The following A1BG variants were observed in gnomAD, a reference collection of about 807,000 sequenced individuals.
A1BG encodes alpha-1-B glycoprotein.
Under a neutral mutation model 46.0 loss-of-function variants are expected in A1BG, and 44 were observed. The observed-to-expected ratio is 0.96, with a 90% CI of 0.75 to 1.23. A1BG has a LOEUF of 1.23. A1BG is among the 50% of genes most tolerant of loss of function. A1BG has a pLI of 0.00. For missense variants in A1BG, 707 were observed against 688.8 expected, an observed-to-expected ratio of 1.03 and a Z score of -0.30; for synonymous variants, 316 against 314.7, an observed-to-expected ratio of 1.00 and a Z score of -0.04.
At position 58,353,199 on chromosome 19, in the gene A1BG, T is replaced by A; in HGVS notation, c.71-2A>T. On this transcript the variant is annotated splice_acceptor_variant, in intron 2 of 7. Transcript: ENST00000263100. LOFTEE classifies it high-confidence loss of function. The stretch of plus-strand genomic sequence containing the variant: ...ACAGGCTGGGCTGCGTCTCATAAAC[T>A]GCAAGGGGTGGCTGGGATCAGCTCA... 1 of 1,613,572 alleles carries A rather than the reference T, an allele frequency of 6.2e-7. No individual in the cohort carries two copies.
chr19:58,352,000 T>A, intron 4 of A1BG: 1 of 1,077,442 alleles, frequency 9.3e-7, no homozygotes, highest in South Asian at 1.8e-5. Context: ...TTCGTCATGT[T>A]GGGTAGACTG....
At position 58,352,367 on chromosome 19, in the gene A1BG, G is replaced by T. The variant is rs1254600596; in HGVS notation, c.529C>A (p.Pro177Thr). The T allele has an allele frequency of 6.2e-7, 1 of 1,613,992 alleles. No individual in the cohort carries two copies. The highest frequency in any genetic ancestry group is 1.7e-5 in the Admixed American group (1 of 60,012). The change falls in exon 4 of 8, where the codon CCT becomes ACT. Residue 177 changes from proline (P) to threonine (T), a missense_variant. Transcript: ENST00000263100. ...CGGTAGCTGCAGCTGTAGTTGCCAG[G>T]CTGATGGACTGGAAAGGTGGCCTCC... ...DVEATFPVHQPGNYSCSYRTD... is the reference protein window; with the variant it reads ...DVEATFPVHQTGNYSCSYRTD...
intron 6 of A1BG, 155 bp from the exon 7 acceptor site, chr19:58,347,795 G>T: frequency 2.3e-6 from 1 of 426,192 alleles, no homozygotes; most frequent in Non-Finnish European, 3.8e-6. Flanking sequence ...CTCCTCCGGC[G>T]CCGCCGAGCT....
Position 58,352,475 on chromosome 19 carries a change from C to G in A1BG, c.421G>C (p.Gly141Arg). The change falls in exon 4 of 8, where the codon GGT (glycine) becomes CGT (arginine). Residue 141 changes from glycine (G) to arginine (R), a missense_variant. By Grantham distance (125) the Gly-to-Arg change is moderately radical. Coordinates refer to ENST00000263100, the MANE Select transcript of A1BG (RefSeq NM_130786.4). ...AGAAAAGTCACACCCCGCAGCACAC[C>G]TCGGCACACTGCTGTTGTTTTCAGG... ...PGLKTTAVCR[G>R]VLRGVTFLLR... 6.2e-7 allele frequency: 1 copy of G among 1,613,610 alleles called. No homozygotes were observed. The highest frequency in any genetic ancestry group is 8.5e-7 in the Non-Finnish European group (1 of 1,180,020).
rs757556359 is a variant in A1BG, at chr19:58,350,428, G to T, written c.1134C>A (p.Asp378Glu). Reference sequence around the variant, plus strand: ...CGGAGCCCCCGAAAGGCGGCTTCAGGTCCACGTAGACGCAGCTGTAGTTGG... The same window carrying T: ...CGGAGCCCCCGAAAGGCGGCTTCAGTTCCACGTAGACGCAGCTGTAGTTGG... ...DSANYSCVYV[D>E]LKPPFGGSAP... The change falls in exon 6 of 8, where the codon GAC (aspartate) becomes GAA (glutamate). Residue 378 changes from aspartate to glutamate, a missense_variant. Physicochemically the swap from Asp to Glu is conservative, Grantham distance 45. Transcript: ENST00000263100. The T allele has an allele frequency of 7.0e-5, 109 of 1,551,306 alleles. No individual in the cohort carries two copies. The highest frequency in any genetic ancestry group is 8.3e-5 in the Non-Finnish European group (95 of 1,147,418).
At chr19:58,351,968 G>A (rs2051963731) in intron 4 of A1BG, 1 of 865,402 alleles carries the variant, frequency 1.2e-6, no homozygotes, top group East Asian at 2.8e-5. Context: ...GCTAATTTTT[G>A]TATTTTTAGT....
In A1BG at chr19:58,353,313, G is replaced by A. The variant is rs760196992; in HGVS notation, c.49C>T (p.Pro17Ser). 35 of 1,612,736 alleles carry A rather than the reference G, an allele frequency of 2.2e-5. No homozygotes were observed. The highest frequency in any genetic ancestry group is 2.6e-5 in the Non-Finnish European group (31 of 1,179,546). Residue 17 changes from proline to serine, a missense_variant, in exon 2 of 8, where the codon CCA (proline) becomes TCA (serine). By Grantham distance (74) the Pro-to-Ser change is moderately conservative. Coordinates refer to ENST00000263100, the MANE Select transcript of A1BG (RefSeq NM_130786.4). ...FLLLWGVTWG[P>S]VTEAAIFYET... ...TCACATATGGCTGCTTCTGTCACTG[G>A]GCCCCAGGTGACACCTGCGGAGACA...
Position 58,353,405 on chromosome 19 carries a change from C to T in A1BG, c.33G>A (p.Trp11Ter). Reference protein sequence around the residue: MSMLVVFLLLWGVTWGPVTEA... With the variant: MSMLVVFLLL ...GACCCAGACCCCAGGAGGCCTCACCCCACAGCAAGAGAAAGACCACGAGCA... is the reference window on the plus strand; with the variant it reads ...GACCCAGACCCCAGGAGGCCTCACCTCACAGCAAGAGAAAGACCACGAGCA... The change falls in exon 1 of 8, where the codon TGG becomes TGA. Residue 11 changes from tryptophan (W) to a stop codon, truncating the protein, a stop_gained and splice_region_variant. Coordinates refer to ENST00000263100, the MANE Select transcript of A1BG (RefSeq NM_130786.4). LOFTEE classifies it high-confidence loss of function. 1 of 1,612,806 alleles carries T rather than the reference C, an allele frequency of 6.2e-7. No homozygotes were observed. The highest frequency in any genetic ancestry group is 1.3e-5 in the African/African-American group (1 of 75,026).
In A1BG at chr19:58,350,199, C is replaced by T. The variant is rs536334549; in HGVS notation, c.1192+171G>A. On this transcript the variant is annotated intron_variant, in intron 6 of 7. Coordinates refer to ENST00000263100, the MANE Select transcript of A1BG (RefSeq NM_130786.4). ...GTGGGAAATAAGCCGAAATTCCAGG[C>T]GTCCCCAGACCCTCGACCACCGATC... 5 of 853,004 alleles carry T rather than the reference C, an allele frequency of 5.9e-6. No individual in the cohort carries two copies. The Admixed American group carries it at 9.5e-5, about 16-fold the overall frequency. 52.8% of individuals were successfully genotyped at this position (853,004 alleles called of 1,614,324 possible).
chr19:58,348,994 T>C (rs1484535163), intron 6 of A1BG: 1 of 152,260 alleles, frequency 6.6e-6, no homozygotes, highest in East Asian at 1.9e-4. Flanking sequence ...AGTCATAGGA[T>C]ATAGATGTAC....
rs556867940 is a variant in A1BG at position 58,353,124 on chromosome 19, C to G, written c.144G>C (p.Thr48=). 1.2e-6 allele frequency: 2 copies of G among 1,614,140 alleles called. No individual in the cohort carries two copies. The highest frequency in any genetic ancestry group is 1.1e-5 in the South Asian group (1 of 91,086). The change falls in exon 3 of 8, where the codon ACG becomes ACC. Residue 48 remains threonine, a synonymous_variant. Transcript: ENST00000263100. ...CTGGAGTCTCCAGGTGGGCCTGGCA[C>G]GTCAGCGTCACATTGGCCAAGGGTT... The part of the protein sequence containing the change: ...LLKPLANVTL[T]CQAHLETPDF...
Position 58,351,701 on chromosome 19 carries a change from A to G in A1BG, c.614-14T>C, listed in dbSNP as rs1327445694. 6.4e-7 allele frequency: 1 copy of G among 1,560,804 alleles called. No homozygotes were observed. The highest frequency in any genetic ancestry group is 1.4e-5 in the African/African-American group (1 of 73,328). On this transcript the variant is annotated splice_polypyrimidine_tract_variant and intron_variant, in intron 4 of 7. Coordinates refer to ENST00000263100, the MANE Select transcript of A1BG (RefSeq NM_130786.4). ...GTGGTGGTGCAGCTGCAATGCAGGC[A>G]GCATTACTAGGCTGCCCCATCCCTG...
chr19:58,352,886 C>G (rs768201012), intron 3 of A1BG, 42 bp downstream of exon 3: 21 of 1,580,746 alleles, frequency 1.3e-5, no homozygotes, highest in Non-Finnish European at 1.6e-5. Context: ...AGTCAACAAC[C>G]TACCCACTGC....
chr19:58,347,688 G>GCCCCAGGCCGC (rs144085420), intron 6 of A1BG, 48 bp from the exon 7 acceptor site: 2 of 1,025,872 alleles, frequency 1.9e-6, no homozygotes, highest in Non-Finnish European at 2.6e-6. Flanking sequence ...CCCAGGCCAC[G>GCCCCAGGCCGC]CCCCAGGCCA....
chr19:58,352,563 T>C lies in A1BG; in HGVS notation c.341-8A>G, dbSNP rs767846542. 6.3e-7 allele frequency: 1 copy of C among 1,597,182 alleles called. No homozygotes were observed. The highest frequency in any genetic ancestry group is 8.5e-7 in the Non-Finnish European group (1 of 1,177,534). ...AGGGAGCAGGCAAGGACTCTGTGGG[T>C]GGGGTGGAGTTGAAGAGTGCTTCTG... On this transcript the variant is annotated splice_polypyrimidine_tract_variant and splice_region_variant and intron_variant, in intron 3 of 7. Transcript: ENST00000263100.
At position 58,346,618 on chromosome 19, in the gene A1BG, G is replaced by T. The variant is rs2051915246; in HGVS notation, c.*404C>A. The T allele has an allele frequency of 3.8e-6, 1 of 264,642 alleles. No homozygotes were observed. The highest frequency in any genetic ancestry group is 7.4e-6 in the Non-Finnish European group (1 of 134,836). The allele number at this position is 264,642 out of a possible 1,614,324, so 16.4% of individuals were successfully genotyped here. A position where few individuals can be genotyped will look rare whatever the true frequency, so the allele number is the denominator to read the frequency against. On this transcript the variant is annotated 3_prime_UTR_variant, in exon 8 of 8. Coordinates refer to ENST00000263100, the MANE Select transcript of A1BG (RefSeq NM_130786.4). ...GCCCAGGCTCCCAGCTACTTGGGAG[G>T]CTGAGGCAGGAGGATCGCTTGAGCC...
intron 2 of A1BG, 31 bp from the exon 3 acceptor site, chr19:58,353,228 CCA>C (rs759031758): frequency 3.1e-6 from 5 of 1,613,538 alleles, no homozygotes; most frequent in Admixed American, 1.7e-5. Context: ...CAGCTCAGTG[CCA>C]CAGAGACAGG....
At chr19:58,349,777 AAAG>A (rs986116184) in intron 6 of A1BG, 5 of 151,998 alleles carry the variant, frequency 3.3e-5, no homozygotes, top group Admixed American at 3.3e-4. Flanking sequence ...AGGAAGAAAG[AAAG>A]AAGGAAAGAG....
chr19:58,351,175 G>GC (rs1435710936), intron 5 of A1BG: 1 of 652,324 alleles, frequency 1.5e-6, no homozygotes, highest in African/African-American at 1.8e-5. Context: ...TGTGGCCTGG[G>GC]CCAGACCTGT....
Sources: allele counts gnomAD v4.1 joint callset, GRCh38; gene constraint gnomAD v4.1.1; transcripts MANE v1.5; gene names NCBI Gene and HGNC (gene_info 2026-07-23, HGNC 2026-07-21).